LPCAT1: variants seen among roughly 807,000 people sequenced by gnomAD.
LPCAT1 encodes the protein lysophosphatidylcholine acyltransferase 1, also known as 1-acylglycerol-3-phosphate O-acyltransferase.
A neutral mutation model predicts 60.9 loss-of-function variants in LPCAT1; 23 were observed. The observed-to-expected ratio is 0.38, with a 90% CI of 0.27 to 0.53. The LOEUF (loss-of-function observed/expected upper bound fraction) is 0.53. LPCAT1 is among the 20% of genes least tolerant of loss of function. LPCAT1 has a pLI of 0.82. For synonymous variants in LPCAT1, 340 were observed against 301.1 expected (o/e 1.13, Z -1.34); for missense variants, 622 against 723.6 (o/e 0.86, Z 1.61).
rs1285541693 is a variant in LPCAT1 at position 1,522,655 on chromosome 5, T to C, written c.135+1055A>G. Among the ~76,000 whole-genome samples the C allele has an allele frequency of 6.6e-6, 1 of 152,170 alleles. No homozygotes were observed. The highest frequency in any genetic ancestry group is 1.9e-4 in the East Asian group (1 of 5,188). On this transcript the variant is annotated intron_variant, in intron 1 of 13. Transcript: ENST00000283415. This position sits in a 1 kb window ranked among gnomAD's most constrained non-coding sequence, Gnocchi z 6.8. ...GCCTCAAGAACTTTTCACTTCAGGG[T>C]TCTTTCAGATAAAGTACTTTATGCA...
chr5:1,520,871 A>G (rs1736652203), intron 1 of LPCAT1, among the ~76,000 whole-genome samples: 1 of 151,144 alleles, frequency 6.6e-6, no homozygotes. Flanking sequence ...AAAAAAAAAA[A>G]AAAAAAAAGA....
intron 11 of LPCAT1, among the ~76,000 whole-genome samples, chr5:1,471,283 T>C (rs1360371271): frequency 2.0e-5 from 3 of 152,208 alleles, no homozygotes; most frequent in African/African-American, 7.2e-5. Context: ...GGTCTGTTTA[T>C]GGCAACCCAT....
chr5:1,474,732 G>A, intron 9 of LPCAT1, 47 bp from the exon 10 acceptor site: 1 of 1,579,546 alleles, frequency 6.3e-7, no homozygotes. Flanking sequence ...GTGGCAGCCA[G>A]TTCCCACCGC....
At position 1,481,050 on chromosome 5, in the gene LPCAT1, G is replaced by A. The variant is rs372803706; in HGVS notation, c.727-74C>T. 4.0e-5 allele frequency: 63 copies of A among 1,560,940 alleles called. No individual in the cohort carries two copies. The highest frequency in any genetic ancestry group is 8.3e-5 in the Admixed American group (5 of 59,892). ...CCTGCACCAAGCACCTGCGTGTGCC[G>A]GCCTCTCCCTGCACCTCCCACCCCA... On this transcript the variant is annotated intron_variant, in intron 6 of 13. Transcript: ENST00000283415. This position sits in a 1 kb window ranked among gnomAD's most constrained non-coding sequence, Gnocchi z 7.8.
chr5:1,463,598 C>T lies in LPCAT1; in HGVS notation c.*53G>A. 2 of 1,590,134 alleles carry T rather than the reference C, an allele frequency of 1.3e-6. No homozygotes were observed. Among genetic ancestry groups the T allele is most frequent in the Non-Finnish European group, 1.7e-6 (2 of 1,164,828 alleles). On this transcript the variant is annotated 3_prime_UTR_variant, in exon 14 of 14. Transcript: ENST00000283415. Reference sequence around the variant, plus strand: ...CCCAGAGGTCACTCGCAAAGAGGCTCATGGCGGTGATGTCCACGCGGGAGG... The same window carrying T: ...CCCAGAGGTCACTCGCAAAGAGGCTTATGGCGGTGATGTCCACGCGGGAGG...
At chr5:1,507,490 C>T (rs1468681716) in intron 1 of LPCAT1, among the ~76,000 whole-genome samples, 6 of 152,256 alleles carry the variant, frequency 3.9e-5, no homozygotes, top group Non-Finnish European at 2.9e-5. Context: ...GTGCGGACTG[C>T]GGCCGCTAAA....
In LPCAT1 at chr5:1,483,280, G is replaced by A. The variant is rs1298436632; in HGVS notation, c.726+148C>T. On this transcript the variant is annotated intron_variant, in intron 6 of 13. Coordinates refer to ENST00000283415, the MANE Select transcript of LPCAT1 (RefSeq NM_024830.5). This position sits in a 1 kb window ranked among gnomAD's most constrained non-coding sequence, Gnocchi z 9.2. ...CCTGTCCTGCCCTCTCCAGCGCTGA[G>A]GCCGGATGGACTCAGCATGGCCAAG... 1 of 918,022 alleles carries A rather than the reference G, an allele frequency of 1.1e-6. No homozygotes were observed. The highest frequency in any genetic ancestry group is 1.8e-6 in the Non-Finnish European group (1 of 562,150). 56.9% of individuals were successfully genotyped at this position (918,022 alleles called of 1,614,324 possible).
intron 13 of LPCAT1, 62 bp downstream of exon 13, chr5:1,466,687 C>A: frequency 6.5e-7 from 1 of 1,535,016 alleles, no homozygotes; most frequent in Non-Finnish European, 8.8e-7. Context: ...GGAGACTCGC[C>A]CCACACTCTG....
intron 1 of LPCAT1, among the ~76,000 whole-genome samples, chr5:1,519,098 AG>A (rs1419150449): frequency 6.6e-5 from 10 of 152,258 alleles, no homozygotes; most frequent in South Asian, 2.1e-4. Flanking sequence ...TATAAGATAA[AG>A]GGCTCTTTCT....
rs559048424 is a variant in LPCAT1, at chr5:1,483,726, T to C, written c.668-240A>G. Among the ~76,000 whole-genome samples the C allele has an allele frequency of 2.0e-3, 309 of 151,810 alleles. No individual in the cohort carries two copies. The highest frequency in any genetic ancestry group is 6.9e-3 in the Middle Eastern group (2 of 290). ...CTCCCCGGCCAAGGAACACTTTCTG[T>C]TTTAACATCGCGCACGAGCTGGAAG... On this transcript the variant is annotated intron_variant, in intron 5 of 13. Coordinates refer to ENST00000283415, the MANE Select transcript of LPCAT1 (RefSeq NM_024830.5). This position sits in a 1 kb window ranked among gnomAD's most constrained non-coding sequence, Gnocchi z 9.2.
rs1415939765 is a variant in LPCAT1 at position 1,495,355 on chromosome 5, G to A, written c.279-441C>T. ...TGGGGGGGGGGGCGCTCAGAGCTGA[G>A]GGCGGAAGCTGAGACCTGCGTGCGA... On this transcript the variant is annotated intron_variant, in intron 2 of 13. Coordinates refer to ENST00000283415, the MANE Select transcript of LPCAT1 (RefSeq NM_024830.5). The surrounding 1 kb of genome is among the most constrained non-coding windows in gnomAD (Gnocchi z 4.7). Among the ~76,000 whole-genome samples, 2 of 151,858 alleles carry A rather than the reference G, an allele frequency of 1.3e-5. No homozygotes were observed. Among genetic ancestry groups the A allele is most frequent in the Non-Finnish European group, 2.9e-5 (2 of 67,986 alleles).
intron 12 of LPCAT1, among the ~76,000 whole-genome samples, chr5:1,468,124 T>TC (rs1325939635): frequency 3.9e-5 from 6 of 152,032 alleles, no homozygotes; most frequent in South Asian, 4.2e-4. Context: ...TGGCAAGCTG[T>TC]CCCCGCGTTC....
chr5:1,474,464 C>T (rs1734815181), intron 10 of LPCAT1, 96 bp downstream of exon 10: 3 of 1,410,374 alleles, frequency 2.1e-6, no homozygotes, highest in East Asian at 2.4e-5. Context: ...ATAATTATCT[C>T]CTCAGTTCCC....
intron 9 of LPCAT1, among the ~76,000 whole-genome samples, chr5:1,474,961 C>G (rs1239826449): frequency 6.6e-6 from 1 of 152,234 alleles, no homozygotes; most frequent in Admixed American, 6.5e-5. Context: ...TGAGAATTAC[C>G]AACATGTGAC....
intron 12 of LPCAT1, 61 bp from the exon 13 acceptor site, chr5:1,466,951 C>T: frequency 7.0e-7 from 1 of 1,424,996 alleles, no homozygotes. Context: ...GCCCCGCTGT[C>T]CAGGGACACC....
chr5:1,477,457 C>T lies in LPCAT1; in HGVS notation c.846G>A (p.Glu282=), dbSNP rs138128559. ...CATACAGCGCGGGGTTCCTCTTCTC[C>T]TCCTCAGAAGGGCTGTACACAGGAA... ...EFLPVYSPSE[E]EKRNPALYAS... The change falls in exon 9 of 14, where the codon GAG becomes GAA. Residue 282 remains glutamate, a synonymous_variant. Coordinates refer to ENST00000283415, the MANE Select transcript of LPCAT1 (RefSeq NM_024830.5). The surrounding 1 kb of genome is among the most constrained non-coding windows in gnomAD (Gnocchi z 6.0). 9.0e-5 allele frequency: 146 copies of T among 1,614,058 alleles called. No homozygotes were observed. In the African/African-American group the frequency reaches 1.5e-3, roughly 16 times the overall value.
At chr5:1,465,643 G>A (rs968289352) in intron 13 of LPCAT1, among the ~76,000 whole-genome samples, 3 of 150,552 alleles carry the variant, frequency 2.0e-5, no homozygotes, top group African/African-American at 4.9e-5. Context: ...CAAGAGCACA[G>A]ACACGGTAAC....
Position 1,523,633 on chromosome 5 carries a change from C to G in LPCAT1, c.135+77G>C. 1 of 1,001,358 alleles carries G rather than the reference C, an allele frequency of 1.0e-6. No homozygotes were observed. The highest frequency in any genetic ancestry group is 1.2e-6 in the Non-Finnish European group (1 of 833,520). The allele number at this position is 1,001,358 out of a possible 1,614,324, so 62.0% of individuals were successfully genotyped here. On this transcript the variant is annotated intron_variant, in intron 1 of 13. Coordinates refer to ENST00000283415, the MANE Select transcript of LPCAT1 (RefSeq NM_024830.5). This position sits in a 1 kb window ranked among gnomAD's most constrained non-coding sequence, Gnocchi z 7.1. ...GCCCCAGGCCCCCTCCCCGGCCCCT[C>G]CTCGGCCGCGCCTCCCTGGCCCCAG...
rs1414451013 is a variant in LPCAT1, at chr5:1,496,584, A to G, written c.279-1670T>C. ...CAGGGGCAGGAGAGAGGACAGCAGGAAAAAAGGGATTAAAACCCGGGCGGC... is the reference window on the plus strand; with the variant it reads ...CAGGGGCAGGAGAGAGGACAGCAGGGAAAAAGGGATTAAAACCCGGGCGGC... On this transcript the variant is annotated intron_variant, in intron 2 of 13. Transcript: ENST00000283415. The surrounding 1 kb of genome is among the most constrained non-coding windows in gnomAD (Gnocchi z 4.7). 6.6e-6 allele frequency among the ~76,000 whole-genome samples: 1 copy of G among 152,076 alleles called. No individual in the cohort carries two copies.
Sources: allele counts gnomAD v4.1 joint callset (sites outside exome capture counted in the v4.1 genomes callset), GRCh38; gene constraint gnomAD v4.1.1; non-coding constraint Gnocchi (gnomAD v3.1); transcripts MANE v1.5; gene names NCBI Gene and HGNC (gene_info 2026-07-23, HGNC 2026-07-21).